The following ITGA8 variants were observed in gnomAD, a reference collection of about 807,000 sequenced individuals.
ITGA8 encodes integrin alpha-8.
ITGA8 carries 91 observed loss-of-function variants against 142.3 expected under a neutral mutation model. The ratio of observed to expected loss-of-function variants is 0.64; its 90% CI spans 0.54 to 0.76. The LOEUF is 0.76. Among genes scored for constraint, ITGA8 ranks in the 30% least tolerant of loss-of-function variants. The pLI is 0.00. For synonymous variants in ITGA8, 505 were observed against 485.2 expected (o/e 1.04, Z -0.54); for missense variants, 1,406 against 1,327.7 (o/e 1.06, Z -0.92).
chr10:15,652,123 T>A (rs930967923), intron 11 of ITGA8, among the ~76,000 whole-genome samples: 1 of 152,270 alleles, frequency 6.6e-6, no homozygotes, highest in Admixed American at 6.5e-5. Context: ...TGTTTGTTAC[T>A]ACCATGTTGT....
intron 13 of ITGA8, among the ~76,000 whole-genome samples, chr10:15,622,506 C>A (rs1355028719): frequency 6.6e-6 from 1 of 152,016 alleles, no homozygotes; most frequent in Non-Finnish European, 1.5e-5. Flanking sequence ...AAAGGGAAGA[C>A]CTCCTTAAAC....
intron 27 of ITGA8, among the ~76,000 whole-genome samples, 174 bp from the exon 28 acceptor site, chr10:15,531,325 CCCACACATCCATGCAT>C (rs1384739035): frequency 7.9e-6 from 1 of 126,996 alleles, no homozygotes; most frequent in Non-Finnish European, 1.8e-5. Flanking sequence ...CATCCATCCA[CCCACACATCCATGCAT>C]CCATGCATCC....
At chr10:15,535,739 A>T (rs1833417944) in intron 27 of ITGA8, among the ~76,000 whole-genome samples, 1 of 152,192 alleles carries the variant, frequency 6.6e-6, no homozygotes, top group Non-Finnish European at 1.5e-5. Context: ...GGGTGGGGCC[A>T]GATAAGAGAA....
rs374286525 is a variant in ITGA8, at chr10:15,572,325, C to T, written c.2523G>A (p.Glu841=). The T allele has an allele frequency of 1.1e-4, 179 of 1,613,972 alleles. No individual in the cohort carries two copies. Among genetic ancestry groups the T allele is most frequent in the Admixed American group, 3.5e-4 (21 of 59,990 alleles). ...CCCGGGCAGAGAAAGGCCAGCCCAC[C>T]TCCAGGATGGTGTCACTGATGGTAC... ...GPSTISDTIL[E]VGWPFSARDE... is the part of the protein sequence containing the mutation. The change falls in exon 25 of 30, where the codon GAG becomes GAA. Residue 841 remains glutamate, a synonymous_variant. Transcript: ENST00000378076.
intron 2 of ITGA8, among the ~76,000 whole-genome samples, chr10:15,717,218 A>G (rs1345619238): frequency 2.0e-5 from 3 of 152,234 alleles, no homozygotes; most frequent in Non-Finnish European, 2.9e-5. Flanking sequence ...ATTCTTTTCC[A>G]CGACCATAAA....
chr10:15,526,469 C>G (rs187410862), intron 28 of ITGA8, among the ~76,000 whole-genome samples: 2 of 152,162 alleles, frequency 1.3e-5, no homozygotes, highest in South Asian at 4.1e-4. Context: ...AGCCACCGCA[C>G]CCGGCCCATT....
At position 15,519,298 on chromosome 10, in the gene ITGA8, A is replaced by G; in HGVS notation, c.3097T>C (p.Leu1033=). 2 of 1,613,606 alleles carry G rather than the reference A, an allele frequency of 1.2e-6. No individual in the cohort carries two copies. The highest frequency in any genetic ancestry group is 1.7e-6 in the Non-Finnish European group (2 of 1,179,834). ...LLVLAILTLA[L]WKCGFFDRAR... is the part of the protein sequence containing the mutation. ...AAAGTAAATCAACTTACCTTCCATA[A>G]AGCTAAGGTTAAAATGGCGAGAACC... The change falls in exon 29 of 30, where the codon TTA becomes CTA. Residue 1033 remains leucine, a synonymous_variant. Coordinates refer to ENST00000378076, the MANE Select transcript of ITGA8 (RefSeq NM_003638.3).
Position 15,575,376 on chromosome 10 carries a change from C to T in ITGA8, c.2478+113G>A, listed in dbSNP as rs545137026. The T allele has an allele frequency of 3.5e-5, 27 of 776,816 alleles. No individual in the cohort carries two copies. The East Asian group carries it at 6.1e-4, about 18-fold the overall frequency. 48.1% of individuals were successfully genotyped at this position (776,816 alleles called of 1,614,324 possible). A position where few individuals can be genotyped will look rare whatever the true frequency, so the allele number is the denominator to read the frequency against. On this transcript the variant is annotated intron_variant, in intron 24 of 29. Transcript: ENST00000378076. Reference sequence around the variant, plus strand: ...CTGCACTCCAGCCTGGGAGACACAGCGAGATCCTGTCTCAATAATAATAAT... The same window carrying T: ...CTGCACTCCAGCCTGGGAGACACAGTGAGATCCTGTCTCAATAATAATAAT...
chr10:15,607,967 C>A, intron 16 of ITGA8, 136 bp from the exon 17 acceptor site: 1 of 744,918 alleles, frequency 1.3e-6, no homozygotes, highest in Non-Finnish European at 2.2e-6. Flanking sequence ...GATAAATGAG[C>A]TGGAAAAATT....
chr10:15,552,507 A>G (rs1208269329), intron 26 of ITGA8, among the ~76,000 whole-genome samples: 4 of 152,180 alleles, frequency 2.6e-5, no homozygotes, highest in African/African-American at 9.7e-5. Flanking sequence ...GATTTTTCCC[A>G]TTGGTACTGC....
intron 2 of ITGA8, among the ~76,000 whole-genome samples, chr10:15,711,125 G>A (rs1246486894): frequency 2.0e-5 from 3 of 152,112 alleles, no homozygotes; most frequent in South Asian, 4.1e-4. Context: ...AATTTCATAA[G>A]GATATAGGAA....
At chr10:15,703,225 C>T (rs189588188) in intron 2 of ITGA8, among the ~76,000 whole-genome samples, 70 of 152,184 alleles carry the variant, frequency 4.6e-4, no homozygotes, top group Non-Finnish European at 8.7e-4. Context: ...TTTCCTGATC[C>T]GGATGAGAAT....
At chr10:15,568,484 C>A (rs1037438636) in intron 25 of ITGA8, among the ~76,000 whole-genome samples, 11 of 152,200 alleles carry the variant, frequency 7.2e-5, no homozygotes, top group African/African-American at 2.4e-4. Context: ...CAAACTATAA[C>A]CAGTTTCTAC....
rs771145478 is a variant in ITGA8, at chr10:15,660,927, G to T, written c.848-5C>A. 1 of 1,612,944 alleles carries T rather than the reference G, an allele frequency of 6.2e-7. No homozygotes were observed. The highest frequency in any genetic ancestry group is 8.5e-7 in the Non-Finnish European group (1 of 1,179,302). On this transcript the variant is annotated splice_region_variant and splice_polypyrimidine_tract_variant and intron_variant, in intron 8 of 29. Coordinates refer to ENST00000378076, the MANE Select transcript of ITGA8 (RefSeq NM_003638.3). Reference sequence around the variant, plus strand: ...TTGGAATTCCAGCAACCAATTCTGGGGATGAAAATAGCCATTTAGAAGGGG... The same window carrying T: ...TTGGAATTCCAGCAACCAATTCTGGTGATGAAAATAGCCATTTAGAAGGGG...
intron 28 of ITGA8, among the ~76,000 whole-genome samples, chr10:15,530,318 C>T (rs911175521): frequency 6.6e-5 from 10 of 152,114 alleles, no homozygotes; most frequent in African/African-American, 1.2e-4. Flanking sequence ...GAGGCTGAGG[C>T]GGGCGGATCA....
intron 13 of ITGA8, among the ~76,000 whole-genome samples, chr10:15,630,348 A>G (rs894400713): frequency 7.9e-5 from 12 of 152,056 alleles, no homozygotes; most frequent in Non-Finnish European, 5.9e-5. Flanking sequence ...TCATTCATTC[A>G]ATTATTCACT....
chr10:15,602,925 G>A (rs572418800), intron 20 of ITGA8, among the ~76,000 whole-genome samples: 1 of 150,246 alleles, frequency 6.7e-6, no homozygotes, highest in Non-Finnish European at 1.5e-5. Flanking sequence ...CAACATGGAA[G>A]AGTTAAGAAT....
intron 4 of ITGA8, among the ~76,000 whole-genome samples, chr10:15,681,288 A>T (rs1254123372): frequency 1.3e-5 from 2 of 151,812 alleles, no homozygotes; most frequent in Non-Finnish European, 2.9e-5. Flanking sequence ...TGATCTGTGA[A>T]CTTCTTGGCC....
At chr10:15,558,224 T>G (rs371707660) in intron 25 of ITGA8, 22 bp from the exon 26 acceptor site, 5 of 1,613,558 alleles carry the variant, frequency 3.1e-6, no homozygotes, top group Non-Finnish European at 4.2e-6. Flanking sequence ...AAGTGGGAGA[T>G]ACCACATTAA....
Sources: gnomAD v4.1 joint callset for allele counts (sites outside exome capture counted in the v4.1 genomes callset) on GRCh38, gnomAD v4.1.1 for gene constraint, MANE v1.5 for transcripts, NCBI Gene and HGNC (gene_info 2026-07-23, HGNC 2026-07-21) for gene names.